The following SYNE2 variants were observed in gnomAD, a reference collection of about 807,000 sequenced individuals.
The protein encoded by SYNE2 is nesprin-2.
SYNE2 carries 431 observed loss-of-function variants against 856.3 expected under a neutral mutation model. That is an observed-to-expected ratio of 0.50 (90% CI 0.47 to 0.55). The LOEUF (loss-of-function observed/expected upper bound fraction) is 0.55. SYNE2 is among the 20% of genes least tolerant of loss of function. The pLI is 0.00. For synonymous variants in SYNE2, 2,923 were observed against 2,872.3 expected (o/e 1.02, Z -0.56); for missense variants, 8,129 against 8,023.2 (o/e 1.01, Z -0.50).
intron 61 of SYNE2, among the ~76,000 whole-genome samples, chr14:64,093,995 A>G (rs1201368157): frequency 6.6e-6 from 1 of 152,208 alleles, no homozygotes; most frequent in Non-Finnish European, 1.5e-5. Flanking sequence ...TCCATATTCT[A>G]AGCAGTATTG....
intron 74 of SYNE2, among the ~76,000 whole-genome samples, chr14:64,129,261 T>C (rs1437372932): frequency 6.6e-6 from 1 of 152,196 alleles, no homozygotes; most frequent in East Asian, 1.9e-4. Flanking sequence ...GAACTGAGAT[T>C]GTGCCACTGC....
chr14:63,912,852 A>G (rs2095489481), intron 2 of SYNE2, among the ~76,000 whole-genome samples: 1 of 152,216 alleles, frequency 6.6e-6, no homozygotes, highest in Admixed American at 6.5e-5. Flanking sequence ...GCAGGACGAT[A>G]AGCAAGTGAC....
chr14:63,797,233 T>A (rs1397403969), intron 1 of SYNE2, among the ~76,000 whole-genome samples: 3 of 150,246 alleles, frequency 2.0e-5, no homozygotes, highest in Admixed American at 2.0e-4. Flanking sequence ...CCTGTAAAAA[T>A]ACAAAAAATT....
At position 64,211,678 on chromosome 14, in the gene SYNE2, G is replaced by T. The variant is rs61984376; in HGVS notation, c.18724-283G>T. On this transcript the variant is annotated intron_variant, in intron 103 of 115. Coordinates refer to ENST00000555002, the MANE Select transcript of SYNE2 (RefSeq NM_182914.3). Reference sequence around the variant, plus strand: ...AATTTTAGAATTTCAAATGCTTAAGGACCTCAGAGACCATAATCAACATTC... The same window carrying T: ...AATTTTAGAATTTCAAATGCTTAAGTACCTCAGAGACCATAATCAACATTC... 0.011 allele frequency among the ~76,000 whole-genome samples: 1,640 copies of T among 152,262 alleles called. 16 individuals carry two copies. Among genetic ancestry groups the T allele is most frequent in the Non-Finnish European group, 0.014 (965 of 68,020 alleles).
In SYNE2 at chr14:63,981,146, G is replaced by A; in HGVS notation, c.1809G>A (p.Glu603=). 6.2e-7 allele frequency: 1 copy of A among 1,613,622 alleles called. No individual in the cohort carries two copies. Among genetic ancestry groups the A allele is most frequent in the South Asian group, 1.1e-5 (1 of 91,062 alleles). The stretch of plus-strand genomic sequence containing the variant: ...TTCGCTTACTAAGGGCTTGCTTTGA[G>A]GAGACAAAGAAGGAAGAAATTAAAG... ...ENLRLLRACF[E]ETKKEEIKEV... Residue 603 remains glutamate (E), a synonymous_variant, in exon 16 of 116, where the codon GAG becomes GAA. Coordinates refer to ENST00000555002, the MANE Select transcript of SYNE2 (RefSeq NM_182914.3).
At position 63,973,395 on chromosome 14, in the gene SYNE2, G is replaced by A. The variant is rs570419737; in HGVS notation, c.1129-3168G>A. 2.7e-3 allele frequency among the ~76,000 whole-genome samples: 410 copies of A among 152,196 alleles called. 1 individual carries two copies. The highest frequency in any genetic ancestry group is 3.9e-3 in the Non-Finnish European group (263 of 67,988). ...GCCTGTAATCCCAGCACTTTGGGAGGCCGAGGCGGGCGGATCACCTGAGGT... is the reference window on the plus strand; with the variant it reads ...GCCTGTAATCCCAGCACTTTGGGAGACCGAGGCGGGCGGATCACCTGAGGT... On this transcript the variant is annotated intron_variant, in intron 11 of 115. Coordinates refer to ENST00000555002, the MANE Select transcript of SYNE2 (RefSeq NM_182914.3).
At chr14:63,792,062 A>G (rs1057243161) in intron 1 of SYNE2, among the ~76,000 whole-genome samples, 13 of 152,338 alleles carry the variant, frequency 8.5e-5, no homozygotes, top group South Asian at 6.2e-4. Context: ...CAAAAATGAC[A>G]TGAAACACAA....
chr14:63,858,862 T>C (rs895446722), intron 1 of SYNE2, among the ~76,000 whole-genome samples: 8 of 152,352 alleles, frequency 5.3e-5, no homozygotes, highest in African/African-American at 1.9e-4. Flanking sequence ...ATTTATTCTT[T>C]ATGGATTGTA....
rs2095260036 is a variant in SYNE2, at chr14:63,896,791, T to A, written c.-51-12307T>A. Reference sequence around the variant, plus strand: ...AATTTTAAAGAGTTAATAATGACTATTTTAAACATTGATAATGGACTCCCT... The same window carrying A: ...AATTTTAAAGAGTTAATAATGACTAATTTAAACATTGATAATGGACTCCCT... On this transcript the variant is annotated intron_variant, in intron 1 of 115. Transcript: ENST00000555002. Among the ~76,000 whole-genome samples, 4 of 152,332 alleles carry A rather than the reference T, an allele frequency of 2.6e-5. No individual in the cohort carries two copies. In the South Asian group the frequency reaches 8.3e-4, roughly 32 times the overall value.
intron 108 of SYNE2, among the ~76,000 whole-genome samples, chr14:64,217,257 ATGGTCGTGATTATTATTCCTGTAT>A (rs570542652): frequency 0.015 from 2,333 of 152,298 alleles, 53 homozygotes; most frequent in African/African-American, 0.045. Flanking sequence ...CTCAGAAGTA[ATGGTCGTGATTATTATTCCTGTAT>A]TGGTCGTGAT....
chr14:64,088,508 C>T (rs534314808), intron 58 of SYNE2, among the ~76,000 whole-genome samples: 4 of 152,266 alleles, frequency 2.6e-5, no homozygotes, highest in Non-Finnish European at 2.9e-5. Flanking sequence ...CGGTGGCTCA[C>T]GCCTGTAATC....
In SYNE2 at chr14:63,990,465, A is replaced by T; in HGVS notation, c.2368A>T (p.Met790Leu). 6.2e-7 allele frequency: 1 copy of T among 1,613,740 alleles called. No homozygotes were observed. Among genetic ancestry groups the T allele is most frequent in the Non-Finnish European group, 8.5e-7 (1 of 1,179,902 alleles). ...TGAGCTTATGGCAAGAAGTGAAGAT[A>T]TGTTACAAATGGATATACAAAATAT... is the stretch of plus-strand genomic sequence containing the variant. ...FDELMARSED[M>L]LQMDIQNISS... Residue 790 changes from methionine (M) to leucine (L), a missense_variant, in exon 20 of 116, where the codon ATG (methionine) becomes TTG (leucine). Met to Leu is a conservative substitution (Grantham distance 15). Coordinates refer to ENST00000555002, the MANE Select transcript of SYNE2 (RefSeq NM_182914.3).
chr14:63,894,463 C>A (rs955005372), intron 1 of SYNE2, among the ~76,000 whole-genome samples: 35 of 152,082 alleles, frequency 2.3e-4, no homozygotes, highest in African/African-American at 8.2e-4. Flanking sequence ...CTCAGGGGAT[C>A]CTCCTGCCGT....
Position 63,924,540 on chromosome 14 carries a change from A to G in SYNE2, c.79+15313A>G, listed in dbSNP as rs1190247249. 2.0e-5 allele frequency among the ~76,000 whole-genome samples: 3 copies of G among 152,282 alleles called. No individual in the cohort carries two copies. In the East Asian group the frequency reaches 5.8e-4, roughly 29 times the overall value. Reference sequence around the variant, plus strand: ...CTAGATCTTTAAATTTCTTTCAACAATGTTTTGTAGTTTTCATTGAATAAG... The same window carrying G: ...CTAGATCTTTAAATTTCTTTCAACAGTGTTTTGTAGTTTTCATTGAATAAG... On this transcript the variant is annotated intron_variant, in intron 2 of 115. Transcript: ENST00000555002.
At chr14:64,171,364 A>G (rs1281729784) in intron 94 of SYNE2, among the ~76,000 whole-genome samples, 3 of 152,244 alleles carry the variant, frequency 2.0e-5, no homozygotes, top group African/African-American at 7.2e-5. Flanking sequence ...GTGGATGGAG[A>G]GAAGACCTTC....
At chr14:63,826,510 C>G (rs529370033) in intron 1 of SYNE2, among the ~76,000 whole-genome samples, 1 of 152,096 alleles carries the variant, frequency 6.6e-6, no homozygotes. Flanking sequence ...CCATGTTGGC[C>G]GGGATGGTCT....
intron 80 of SYNE2, among the ~76,000 whole-genome samples, chr14:64,140,611 T>C (rs1478829411): frequency 6.6e-6 from 1 of 152,176 alleles, no homozygotes; most frequent in Non-Finnish European, 1.5e-5. Flanking sequence ...ATAGGTCATG[T>C]TTTACAAATA....
intron 1 of SYNE2, among the ~76,000 whole-genome samples, chr14:63,772,124 G>T (rs1231426731): frequency 6.6e-6 from 1 of 152,212 alleles, no homozygotes; most frequent in East Asian, 1.9e-4. Flanking sequence ...AGGCCAAGAT[G>T]CATGCATCCC....
At chr14:64,124,558 A>G (rs1343643101) in intron 70 of SYNE2, among the ~76,000 whole-genome samples, 3 of 152,054 alleles carry the variant, frequency 2.0e-5, no homozygotes, top group Non-Finnish European at 4.4e-5. Flanking sequence ...TGAAACCTCA[A>G]GTATCTAAAT....
Sources: gnomAD v4.1 joint callset for allele counts (sites outside exome capture counted in the v4.1 genomes callset) on GRCh38, gnomAD v4.1.1 for gene constraint, MANE v1.5 for transcripts, NCBI Gene and HGNC (gene_info 2026-07-23, HGNC 2026-07-21) for gene names.